USP33: variants seen among roughly 807,000 people sequenced by gnomAD.
USP33 encodes ubiquitin specific peptidase 33.
A neutral mutation model predicts 124.2 loss-of-function variants in USP33; 46 were observed. The observed-to-expected ratio is 0.37, with a 90% CI of 0.29 to 0.47. The LOEUF is 0.47. USP33 is among the 20% of genes least tolerant of loss of function. The pLI is 0.99. For synonymous variants in USP33, 350 were observed against 352.3 expected (o/e 0.99, Z 0.07); for missense variants, 851 against 1,070.6 (o/e 0.79, Z 2.86).
chr1:77,709,878 CACAT>C (rs946185429), intron 21 of USP33, among the ~76,000 whole-genome samples: 2 of 121,510 alleles, frequency 1.6e-5, no homozygotes, highest in Admixed American at 7.9e-5. Flanking sequence ...TACATGCATA[CACAT>C]ACACACACAC....
chr1:77,725,893 C>A, intron 10 of USP33, 131 bp from the exon 11 acceptor site: 1 of 906,842 alleles, frequency 1.1e-6, no homozygotes, highest in Non-Finnish European at 1.6e-6. Context: ...AAATACTTAA[C>A]AAAGTGCTTA....
rs544243420 is a variant in USP33 at position 77,755,342 on chromosome 1, T to C, written c.-52+4301A>G. Among the ~76,000 whole-genome samples the C allele has an allele frequency of 1.1e-3, 161 of 152,350 alleles. 2 individuals are homozygous for C. Among genetic ancestry groups the C allele is most frequent in the African/African-American group, 3.5e-3 (146 of 41,580 alleles). ...TTTTATTGTTTACCAGACTATAATA[T>C]TGATTTTAAAACTAATCAAAACTGA... On this transcript the variant is annotated intron_variant, in intron 1 of 23. Transcript: ENST00000370794.
At position 77,696,972 on chromosome 1, in the gene USP33, C is replaced by G. The variant is rs1399939023; in HGVS notation, c.*345G>C. 1 of 156,320 alleles carries G rather than the reference C, an allele frequency of 6.4e-6. No homozygotes were observed. The highest frequency in any genetic ancestry group is 2.4e-5 in the African/African-American group (1 of 41,590). The allele number at this position is 156,320 out of a possible 1,614,324, so 9.7% of individuals were successfully genotyped here. The stretch of plus-strand genomic sequence containing the variant: ...TGGCAGGTGCCTGTAATCCCAGCTA[C>G]TCGAGAGGCTGAGGCAGGAGAATCG... On this transcript the variant is annotated 3_prime_UTR_variant, in exon 24 of 24. Transcript: ENST00000370794.
At chr1:77,724,640 T>G (rs572087000) in intron 11 of USP33, among the ~76,000 whole-genome samples, 1 of 152,266 alleles carries the variant, frequency 6.6e-6, no homozygotes, top group East Asian at 1.9e-4. Context: ...CCTAGACAAA[T>G]GAAAAAATGT....
At chr1:77,716,868 CTTTT>C (rs202208218) in intron 17 of USP33, among the ~76,000 whole-genome samples, 1 of 142,622 alleles carries the variant, frequency 7.0e-6, no homozygotes. Context: ...TCTTTTTTTT[CTTTT>C]TTTTTTTTTT....
At chr1:77,736,659 G>C (rs1301871118) in intron 5 of USP33, among the ~76,000 whole-genome samples, 3 of 151,830 alleles carry the variant, frequency 2.0e-5, no homozygotes, top group Non-Finnish European at 2.9e-5. Flanking sequence ...TGCCAGGCTG[G>C]AGTGCAGTGG....
At chr1:77,705,659 A>T (rs1361899937) in intron 21 of USP33, among the ~76,000 whole-genome samples, 1 of 150,600 alleles carries the variant, frequency 6.6e-6, no homozygotes, top group African/African-American at 2.4e-5. Flanking sequence ...CCAGCCCCAG[A>T]TTTGCTTTAA....
At chr1:77,726,648 GAA>G (rs112444513) in intron 10 of USP33, among the ~76,000 whole-genome samples, 8 of 135,406 alleles carry the variant, frequency 5.9e-5, no homozygotes, top group Admixed American at 7.5e-5. Context: ...CCTGTTTCAG[GAA>G]AAAAAAAAAA....
At chr1:77,732,991 C>T (rs1678011525) in intron 7 of USP33, among the ~76,000 whole-genome samples, 1 of 151,736 alleles carries the variant, frequency 6.6e-6, no homozygotes, top group Admixed American at 6.6e-5. Flanking sequence ...GACAGGGTTT[C>T]ACTATGTTGG....
chr1:77,757,375 A>G (rs774677920), intron 1 of USP33, among the ~76,000 whole-genome samples: 1 of 152,248 alleles, frequency 6.6e-6, no homozygotes, highest in African/African-American at 2.4e-5. Context: ...ATTTGACAGC[A>G]TGATTTATTT....
intron 1 of USP33, among the ~76,000 whole-genome samples, chr1:77,743,706 T>C (rs1679393205): frequency 6.6e-6 from 1 of 152,132 alleles, no homozygotes; most frequent in African/African-American, 2.4e-5. Flanking sequence ...CCTTTAAGGG[T>C]TGTTGGTATT....
At chr1:77,733,115 C>T (rs1206053733) in intron 7 of USP33, among the ~76,000 whole-genome samples, 2 of 151,962 alleles carry the variant, frequency 1.3e-5, no homozygotes, top group African/African-American at 2.4e-5. Flanking sequence ...CTTTAACGTC[C>T]GAGCACAGTG....
At chr1:77,700,717 T>C (rs953275342) in intron 22 of USP33, among the ~76,000 whole-genome samples, 1 of 148,696 alleles carries the variant, frequency 6.7e-6, no homozygotes, top group Non-Finnish European at 1.5e-5. Flanking sequence ...TTTTTTTTTT[T>C]AAAGACAAAG....
At chr1:77,724,330 G>T (rs991629758) in intron 11 of USP33, among the ~76,000 whole-genome samples, 1 of 152,106 alleles carries the variant, frequency 6.6e-6, no homozygotes, top group African/African-American at 2.4e-5. Context: ...CTAGCTATAT[G>T]ATTTATAAAT....
In USP33 at chr1:77,718,478, T is replaced by A. The variant is rs186982604; in HGVS notation, c.1737+118A>T. The A allele has an allele frequency of 2.0e-3, 1,660 of 817,436 alleles. 6 individuals carry two copies. The highest frequency in any genetic ancestry group is 1.6e-3 in the Non-Finnish European group (786 of 494,432). The allele number at this position is 817,436 out of a possible 1,614,324, so 50.6% of individuals were successfully genotyped here. A position where few individuals can be genotyped will look rare whatever the true frequency, so the allele number is the denominator to read the frequency against. On this transcript the variant is annotated intron_variant, in intron 16 of 23. Coordinates refer to ENST00000370794, the MANE Select transcript of USP33 (RefSeq NM_201624.3). ...AAAACTGAATAATCTTAAAAAGGCA[T>A]GCATAGCAATCATTCAATTCTTCAA...
intron 9 of USP33, among the ~76,000 whole-genome samples, chr1:77,729,238 G>T (rs886689817): frequency 1.3e-5 from 2 of 152,002 alleles, no homozygotes; most frequent in African/African-American, 2.4e-5. Context: ...AAGATGATCT[G>T]AAGATCAACT....
chr1:77,729,845 A>G lies in USP33; in HGVS notation c.717+15T>C. On this transcript the variant is annotated intron_variant, in intron 9 of 23. Coordinates refer to ENST00000370794, the MANE Select transcript of USP33 (RefSeq NM_201624.3). The stretch of plus-strand genomic sequence containing the variant: ...TATTTAGATTAAAATTACAAATGAA[A>G]AGCAATAAACTAACCTGCTGAGAAT... 1 of 1,604,314 alleles carries G rather than the reference A, an allele frequency of 6.2e-7. No homozygotes were observed. The highest frequency in any genetic ancestry group is 8.5e-7 in the Non-Finnish European group (1 of 1,176,890).
chr1:77,743,949 C>T (rs1311951645), intron 1 of USP33, among the ~76,000 whole-genome samples: 2 of 151,970 alleles, frequency 1.3e-5, no homozygotes, highest in Non-Finnish European at 2.9e-5. Context: ...GCCAAGGGAA[C>T]CCCATCTCTA....
chr1:77,703,310 G>A (rs1325893632), intron 21 of USP33, among the ~76,000 whole-genome samples: 2 of 152,140 alleles, frequency 1.3e-5, no homozygotes, highest in Non-Finnish European at 2.9e-5. Flanking sequence ...TCTCAATGAG[G>A]CCTATCTTGA....
Sources: allele counts gnomAD v4.1 joint callset (sites outside exome capture counted in the v4.1 genomes callset), GRCh38; gene constraint gnomAD v4.1.1; transcripts MANE v1.5; gene names NCBI Gene and HGNC (gene_info 2026-07-23, HGNC 2026-07-21).